The following DCBLD1 variants were observed in gnomAD, a reference collection of about 807,000 sequenced individuals.
DCBLD1 encodes discoidin, CUB and LCCL domain-containing protein 1.
In DCBLD1, 57 loss-of-function variants were observed where a neutral mutation model predicts 71.5. That is an observed-to-expected ratio of 0.80 (90% CI 0.64 to 0.99). DCBLD1 has a LOEUF of 0.99. Among genes scored for constraint, DCBLD1 ranks in the 50% least tolerant of loss-of-function variants. The probability of loss-of-function intolerance (pLI) is 0.00; values close to 1 mark genes in which losing one functional copy is unlikely to be tolerated. For missense variants in DCBLD1, 891 were observed against 923.5 expected (o/e 0.96, Z 0.46); for synonymous variants, 380 against 363.8 (o/e 1.04, Z -0.51).
intron 14 of DCBLD1, chr6:117,563,283 G>A: frequency 6.2e-7 from 1 of 1,612,804 alleles, no homozygotes; most frequent in South Asian, 1.1e-5. Context: ...TACAGAGTGT[G>A]CAGATCATCT....
rs556635663 is a variant in DCBLD1, at chr6:117,524,523, A to G, written c.513-839A>G. Among the ~76,000 whole-genome samples the G allele has an allele frequency of 2.0e-5, 3 of 152,094 alleles. No individual in the cohort carries two copies. The South Asian group carries it at 6.2e-4, about 32-fold the overall frequency. On this transcript the variant is annotated intron_variant, in intron 4 of 14. Transcript: ENST00000338728. ...CCGGCCTTGGAATCCTAATTTTAAAATATATCCTTTTTTTCTGATTGCAAA... is the reference window on the plus strand; with the variant it reads ...CCGGCCTTGGAATCCTAATTTTAAAGTATATCCTTTTTTTCTGATTGCAAA...
At chr6:117,491,462 C>G (rs1358599153) in intron 1 of DCBLD1, among the ~76,000 whole-genome samples, 1 of 152,118 alleles carries the variant, frequency 6.6e-6, no homozygotes, top group Non-Finnish European at 1.5e-5. Flanking sequence ...GTCTACAAGT[C>G]TTTTGAGACT....
intron 1 of DCBLD1, among the ~76,000 whole-genome samples, chr6:117,501,859 C>G (rs1014511770): frequency 2.0e-5 from 3 of 152,182 alleles, no homozygotes; most frequent in African/African-American, 7.2e-5. Flanking sequence ...AAACTTACAA[C>G]CTTTGGGCCC....
In DCBLD1 at chr6:117,548,593, C is replaced by G. The variant is rs1481164999; in HGVS notation, c.*154C>G. 6.9e-7 allele frequency: 1 copy of G among 1,441,636 alleles called. No homozygotes were observed. Among genetic ancestry groups the G allele is most frequent in the Non-Finnish European group, 9.1e-7 (1 of 1,102,412 alleles). The allele number at this position is 1,441,636 out of a possible 1,614,324, so 89.3% of individuals were successfully genotyped here. A position where few individuals can be genotyped will look rare whatever the true frequency, so the allele number is the denominator to read the frequency against. On this transcript the variant is annotated 3_prime_UTR_variant, in exon 15 of 15. Coordinates refer to ENST00000338728, the MANE Select transcript of DCBLD1 (RefSeq NM_001366458.2). The stretch of plus-strand genomic sequence containing the variant: ...GATCCAGTAGGATCCTAGAGACAAC[C>G]TGTCATACTGTTTACAAAATTGTGC...
chr6:117,545,973 G>A (rs1324281115), intron 14 of DCBLD1, among the ~76,000 whole-genome samples: 1 of 152,140 alleles, frequency 6.6e-6, no homozygotes, highest in Non-Finnish European at 1.5e-5. Flanking sequence ...GGAAATAAAG[G>A]AACTCTCTCA....
intron 3 of DCBLD1, among the ~76,000 whole-genome samples, 180 bp from the exon 4 acceptor site, chr6:117,521,345 G>A (rs201663059): frequency 2.0e-5 from 3 of 152,116 alleles, no homozygotes; most frequent in Non-Finnish European, 4.4e-5. Flanking sequence ...GAAACGAAAG[G>A]AACTCATTAA....
At chr6:117,568,070 G>A (rs1025068455) in intron 14 of DCBLD1, among the ~76,000 whole-genome samples, 1 of 151,548 alleles carries the variant, frequency 6.6e-6, no homozygotes, top group East Asian at 1.9e-4. Context: ...ATGGTGGCAG[G>A]CATCTGTAGT....
At chr6:117,541,162 T>A in intron 11 of DCBLD1, 137 bp downstream of exon 11, 1 of 697,088 alleles carries the variant, frequency 1.4e-6, no homozygotes, top group South Asian at 1.9e-5. Flanking sequence ...GGCACATATG[T>A]AAAATGATGT....
intron 3 of DCBLD1, among the ~76,000 whole-genome samples, chr6:117,521,300 T>C (rs1433399988): frequency 2.0e-5 from 3 of 152,234 alleles, no homozygotes; most frequent in Non-Finnish European, 4.4e-5. Context: ...TACTAGGTGA[T>C]TGTGTTGAAA....
At chr6:117,546,525 C>T (rs1009340741) in intron 14 of DCBLD1, among the ~76,000 whole-genome samples, 2 of 152,158 alleles carry the variant, frequency 1.3e-5, no homozygotes, top group African/African-American at 2.4e-5. Context: ...TCCTCTGCAA[C>T]CAAAATCCAT....
intron 14 of DCBLD1, among the ~76,000 whole-genome samples, chr6:117,557,063 A>G (rs1779503660): frequency 6.6e-6 from 1 of 152,014 alleles, no homozygotes; most frequent in Non-Finnish European, 1.5e-5. Context: ...TCTTACTTAG[A>G]CGCCAGAGGT....
chr6:117,502,844 T>C (rs1233456941), intron 1 of DCBLD1, among the ~76,000 whole-genome samples: 2 of 152,238 alleles, frequency 1.3e-5, no homozygotes, highest in Admixed American at 6.5e-5. Flanking sequence ...CCTTGGATAG[T>C]TGTGTGATTG....
intron 1 of DCBLD1, 42 bp downstream of exon 1, chr6:117,482,935 C>T (rs1370962880): frequency 1.7e-6 from 2 of 1,163,482 alleles, no homozygotes; most frequent in African/African-American, 1.6e-5. Context: ...CCCGAGGCGC[C>T]AGGGGCGGGC....
At chr6:117,553,705 T>C (rs1049021711), downstream of DCBLD1, among the ~76,000 whole-genome samples, 7 of 152,230 alleles carry the variant, frequency 4.6e-5, no homozygotes, top group African/African-American at 1.2e-4. Flanking sequence ...TTTTGCATCC[T>C]TTCAGGGGAT....
intron 14 of DCBLD1, chr6:117,560,129 A>C (rs946675835): frequency 3.1e-4 from 48 of 155,656 alleles, no homozygotes; most frequent in African/African-American, 1.0e-3. Context: ...TGATTTTCTA[A>C]CTTTCATCAA....
At chr6:117,540,309 A>G (rs1583026535) in intron 9 of DCBLD1, 1 of 200,586 alleles carries the variant, frequency 5.0e-6, no homozygotes, top group East Asian at 1.1e-4. Context: ...GTTAGTGACA[A>G]TGAGAATTCG....
intron 1 of DCBLD1, among the ~76,000 whole-genome samples, chr6:117,497,608 A>G (rs949126292): frequency 1.3e-5 from 2 of 152,192 alleles, no homozygotes; most frequent in African/African-American, 4.8e-5. Context: ...CTGAGTCCAT[A>G]TCTCTGTAAC....
At chr6:117,546,026 G>A (rs1434961258) in intron 14 of DCBLD1, among the ~76,000 whole-genome samples, 1 of 152,186 alleles carries the variant, frequency 6.6e-6, no homozygotes, top group East Asian at 1.9e-4. Context: ...CACATCAAGA[G>A]TCGAGCTTCC....
intron 4 of DCBLD1, among the ~76,000 whole-genome samples, chr6:117,521,944 A>T (rs1778400286): frequency 6.6e-6 from 1 of 152,198 alleles, no homozygotes; most frequent in African/African-American, 2.4e-5. Flanking sequence ...CACAGGCCAT[A>T]GTTTGCTGAC....
Sources: allele counts gnomAD v4.1 joint callset (sites outside exome capture counted in the v4.1 genomes callset), GRCh38; gene constraint gnomAD v4.1.1; transcripts MANE v1.5; gene names NCBI Gene and HGNC (gene_info 2026-07-23, HGNC 2026-07-21).